Variants in ABHD17B observed in about 807,000 individuals in gnomAD.
The protein encoded by ABHD17B is abhydrolase domain containing 17B, depalmitoylase, also known as alpha/beta hydrolase domain-containing protein 17B.
Under a neutral mutation model 26.2 loss-of-function variants are expected in ABHD17B, and 9 were observed. That is an observed-to-expected ratio of 0.34 (90% CI 0.21 to 0.60). The LOEUF (loss-of-function observed/expected upper bound fraction) is 0.60, where lower values mean the gene tolerates loss of function less well. Ranked by LOEUF, ABHD17B falls within the 20% of genes least tolerant of loss-of-function variation. ABHD17B has a pLI of 0.80. For missense variants in ABHD17B, 224 were observed against 352.1 expected, an observed-to-expected ratio of 0.64 and a Z score of 2.91; for synonymous variants, 127 against 122.3, an observed-to-expected ratio of 1.04 and a Z score of -0.25.
At chr9:71,900,507 A>G (rs1827100058) in intron 1 of ABHD17B, among the ~76,000 whole-genome samples, 1 of 151,844 alleles carries the variant, frequency 6.6e-6, no homozygotes, top group Admixed American at 6.6e-5. Flanking sequence ...AAAATTAGCC[A>G]GGCGTGATGG....
At chr9:71,877,317 T>C in intron 1 of ABHD17B, among the ~76,000 whole-genome samples, 1 of 152,264 alleles carries the variant, frequency 6.6e-6, no homozygotes, top group Non-Finnish European at 1.5e-5. Context: ...TTACCTCATA[T>C]ACCATTGACT....
intron 1 of ABHD17B, among the ~76,000 whole-genome samples, chr9:71,884,527 C>T (rs1826546892): frequency 3.3e-5 from 5 of 151,158 alleles, no homozygotes; most frequent in Admixed American, 2.0e-4. Flanking sequence ...CATTAACATA[C>T]ATGCAAAACA....
At position 71,870,273 on chromosome 9, in the gene ABHD17B, C is replaced by G; in HGVS notation, c.468-11G>C. ...GGGCGAATGCCATATCTACAAAGTT[C>G]AGGCGTTAAAAACAAAAACCAAAAA... On this transcript the variant is annotated splice_polypyrimidine_tract_variant and intron_variant, in intron 2 of 3. Coordinates refer to ENST00000333421, the MANE Select transcript of ABHD17B (RefSeq NM_001025780.3). 1.3e-6 allele frequency: 2 copies of G among 1,556,560 alleles called. No homozygotes were observed. Among genetic ancestry groups the G allele is most frequent in the Non-Finnish European group, 1.7e-6 (2 of 1,154,960 alleles).
chr9:71,870,896 G>T (rs532824219), intron 2 of ABHD17B, among the ~76,000 whole-genome samples: 50 of 152,304 alleles, frequency 3.3e-4, no homozygotes, highest in African/African-American at 1.1e-3. Flanking sequence ...TTTATGATTA[G>T]ACTTTACGCT....
chr9:71,862,757 CTG>C (rs1825861781), downstream of ABHD17B: 1 of 575,088 alleles, frequency 1.7e-6, no homozygotes, highest in Non-Finnish European at 3.1e-6. Context: ...ATGATAATTG[CTG>C]TCAGTCTACA....
At chr9:71,875,965 C>A (rs1245009646) in intron 1 of ABHD17B, among the ~76,000 whole-genome samples, 2 of 152,172 alleles carry the variant, frequency 1.3e-5, no homozygotes, top group African/African-American at 4.8e-5. Flanking sequence ...GCTGTCACTA[C>A]ACTATGTTAC....
intron 1 of ABHD17B, among the ~76,000 whole-genome samples, chr9:71,899,307 G>A (rs1827062663): frequency 6.6e-6 from 1 of 152,224 alleles, no homozygotes; most frequent in South Asian, 2.1e-4. Flanking sequence ...GAAAGCAGAA[G>A]AGGTTTGTAA....
chr9:71,868,605 T>C (rs984759007), intron 3 of ABHD17B, among the ~76,000 whole-genome samples: 1 of 152,246 alleles, frequency 6.6e-6, no homozygotes, highest in African/African-American at 2.4e-5. Context: ...TTGGGTTTAC[T>C]ATCTGTTGTC....
At chr9:71,887,896 T>C (rs1325071895) in intron 1 of ABHD17B, among the ~76,000 whole-genome samples, 1 of 152,194 alleles carries the variant, frequency 6.6e-6, no homozygotes, top group East Asian at 1.9e-4. Context: ...AATTCTAACA[T>C]AAAAGCCATT....
At chr9:71,877,079 C>G (rs1826298997) in intron 1 of ABHD17B, among the ~76,000 whole-genome samples, 1 of 152,148 alleles carries the variant, frequency 6.6e-6, no homozygotes, top group African/African-American at 2.4e-5. Flanking sequence ...ATACACAGGG[C>G]TTAGCCAGCA....
chr9:71,903,969 A>G (rs1255123685), intron 1 of ABHD17B, among the ~76,000 whole-genome samples: 6 of 152,194 alleles, frequency 3.9e-5, no homozygotes. Flanking sequence ...AGTTCACACA[A>G]CTTAAAGGTG....
chr9:71,877,477 G>A (rs987530867), intron 1 of ABHD17B, among the ~76,000 whole-genome samples: 5 of 152,214 alleles, frequency 3.3e-5, no homozygotes, highest in Admixed American at 2.0e-4. Flanking sequence ...GAGTGCAGTG[G>A]TGCGATCTTG....
At chr9:71,869,251 C>A (rs2132125035) in intron 3 of ABHD17B, among the ~76,000 whole-genome samples, 1 of 152,330 alleles carries the variant, frequency 6.6e-6, no homozygotes, top group East Asian at 1.9e-4. Flanking sequence ...ACTTTCCCTA[C>A]TAAAGTGATC....
intron 1 of ABHD17B, among the ~76,000 whole-genome samples, chr9:71,904,262 T>C (rs1827220987): frequency 6.6e-6 from 1 of 152,192 alleles, no homozygotes; most frequent in African/African-American, 2.4e-5. Flanking sequence ...GGAGCTTTGC[T>C]TGTTTTGCTC....
intron 1 of ABHD17B, among the ~76,000 whole-genome samples, chr9:71,884,987 T>C (rs1219373385): frequency 6.6e-6 from 1 of 152,080 alleles, no homozygotes; most frequent in East Asian, 1.9e-4. Context: ...CTTTTTCATA[T>C]GGGGGCAAAA....
downstream of ABHD17B, among the ~76,000 whole-genome samples, chr9:71,863,488 G>A (rs112194168): frequency 3.7e-3 from 571 of 152,294 alleles, 3 homozygotes; most frequent in Middle Eastern, 0.014. Flanking sequence ...CCATAGGTAA[G>A]CTCTCAGGAG....
intron 1 of ABHD17B, among the ~76,000 whole-genome samples, chr9:71,892,651 T>C (rs1192490707): frequency 6.9e-6 from 1 of 145,244 alleles, no homozygotes; most frequent in Non-Finnish European, 1.5e-5. Context: ...GCAAATTAAT[T>C]TGGGGGGGGG....
chr9:71,876,788 TAAG>T (rs1826291153), intron 1 of ABHD17B, among the ~76,000 whole-genome samples: 1 of 152,078 alleles, frequency 6.6e-6, no homozygotes, highest in Non-Finnish European at 1.5e-5. Flanking sequence ...AATGTGTTTA[TAAG>T]AAGCAGCAGA....
At chr9:71,873,631 C>T (rs1280503081) in intron 2 of ABHD17B, among the ~76,000 whole-genome samples, 1 of 151,936 alleles carries the variant, frequency 6.6e-6, no homozygotes, top group Non-Finnish European at 1.5e-5. Context: ...TACCTGACCT[C>T]GTGATCTACC....
Sources: gnomAD v4.1 joint callset for allele counts (sites outside exome capture counted in the v4.1 genomes callset) on GRCh38, gnomAD v4.1.1 for gene constraint, MANE v1.5 for transcripts, NCBI Gene and HGNC (gene_info 2026-07-23, HGNC 2026-07-21) for gene names.